TEP1: variants seen among roughly 807,000 people sequenced by gnomAD.
TEP1 encodes telomerase associated protein 1.
TEP1 carries 241 observed loss-of-function variants against 306.3 expected under a neutral mutation model. The observed-to-expected ratio is 0.79, with a 90% CI of 0.71 to 0.88. TEP1 has a LOEUF of 0.88. Ranked by LOEUF, TEP1 falls within the 40% of genes least tolerant of loss-of-function variation. The pLI is 0.00. For missense variants in TEP1, 3,051 were observed against 3,276.1 expected, an observed-to-expected ratio of 0.93 and a Z score of 1.68; for synonymous variants, 1,289 against 1,305.5, an observed-to-expected ratio of 0.99 and a Z score of 0.27.
chr14:20,381,305 G>C lies in TEP1; in HGVS notation c.4647+8C>G. On this transcript the variant is annotated splice_region_variant and intron_variant, in intron 32 of 54. Transcript: ENST00000262715. This position sits in a 1 kb window ranked among gnomAD's most constrained non-coding sequence, Gnocchi z 4.0. ...TGGGAAAGGTGTCTATGGGGTCTAG[G>C]AACTAACCAGGTGGTAAGGCAGGTC... The C allele has an allele frequency of 6.2e-7, 1 of 1,614,030 alleles. No individual in the cohort carries two copies. The highest frequency in any genetic ancestry group is 1.3e-5 in the African/African-American group (1 of 75,044).
At position 20,380,373 on chromosome 14, in the gene TEP1, C is replaced by G. The variant is rs145657579; in HGVS notation, c.4865G>C (p.Arg1622Pro). 1.2e-6 allele frequency: 2 copies of G among 1,614,070 alleles called. No individual in the cohort carries two copies. Among genetic ancestry groups the G allele is most frequent in the Non-Finnish European group, 1.7e-6 (2 of 1,180,002 alleles). The change falls in exon 34 of 55, where the codon CGG becomes CCG. Residue 1622 changes from arginine (R) to proline (P), a missense_variant. Coordinates refer to ENST00000262715, the MANE Select transcript of TEP1 (RefSeq NM_007110.5). ...QQASILSQYP[R>P]LLPQQAANQP... Reference sequence around the variant, plus strand: ...GTTGGCTGCCTGCTGGGGCAGGAGCCGGGGGTACTGGCTGAGGATTGAAGC... The same window carrying G: ...GTTGGCTGCCTGCTGGGGCAGGAGCGGGGGGTACTGGCTGAGGATTGAAGC...
In TEP1 at chr14:20,380,234, C is replaced by T; in HGVS notation, c.5003+1G>A. The T allele has an allele frequency of 6.2e-7, 1 of 1,613,498 alleles. No homozygotes were observed. Among genetic ancestry groups the T allele is most frequent in the Non-Finnish European group, 8.5e-7 (1 of 1,179,552 alleles). On this transcript the variant is annotated splice_donor_variant, in intron 34 of 54. Coordinates refer to ENST00000262715, the MANE Select transcript of TEP1 (RefSeq NM_007110.5). LOFTEE classifies it high-confidence loss of function. ...ACTAGGGTCTGGGGTCAAGGTCTTA[C>T]CTTTGCTGATTTTTCATGGTCCGGG...
intron 48 of TEP1, 32 bp downstream of exon 48, chr14:20,372,979 A>G: frequency 6.2e-7 from 1 of 1,613,970 alleles, no homozygotes; most frequent in East Asian, 2.2e-5. Flanking sequence ...TAGAATTCAC[A>G]CAGACAAAGA....
intron 21 of TEP1, 74 bp from the exon 22 acceptor site, chr14:20,384,787 T>C: frequency 6.6e-7 from 1 of 1,509,824 alleles, no homozygotes. Context: ...CCACCAGACA[T>C]AGCTGTAATT....
rs377744214 is a variant in TEP1 at position 20,382,367 on chromosome 14, G to A, written c.4141-11C>T. Reference sequence around the variant, plus strand: ...GAGTCTCTCAGACACCTAGGATGGCGGGAGGACAGCCTTGTTCAGTGCAGT... The same window carrying A: ...GAGTCTCTCAGACACCTAGGATGGCAGGAGGACAGCCTTGTTCAGTGCAGT... On this transcript the variant is annotated splice_polypyrimidine_tract_variant and intron_variant, in intron 28 of 54. Coordinates refer to ENST00000262715, the MANE Select transcript of TEP1 (RefSeq NM_007110.5). 1.1e-5 allele frequency: 17 copies of A among 1,600,748 alleles called. No individual in the cohort carries two copies. Among genetic ancestry groups the A allele is most frequent in the East Asian group, 8.9e-5 (4 of 44,840 alleles).
Position 20,377,426 on chromosome 14 carries a change from T to C in TEP1, c.5942A>G (p.Lys1981Arg). 3 of 1,614,052 alleles carry C rather than the reference T, an allele frequency of 1.9e-6. No homozygotes were observed. Among genetic ancestry groups the C allele is most frequent in the South Asian group, 2.2e-5 (2 of 91,080 alleles). The change falls in exon 41 of 55, where the codon AAG becomes AGG. Residue 1981 changes from lysine (K) to arginine (R), a missense_variant. By Grantham distance (26) the Lys-to-Arg change is conservative (BLOSUM62 2). This residue lies in a region of TEP1 where 1,540 missense variants were observed against 1,705.9 expected (regional missense o/e 0.90). Coordinates refer to ENST00000262715, the MANE Select transcript of TEP1 (RefSeq NM_007110.5). ...ATCTTCTGCACCACTCACCAATACC[T>C]TGGGGCTTAGCCAGGCCAGGGCGGA... ...AVSALAWLSP[K>R]VLVSGAEDGS... is the part of the protein sequence containing the mutation.
chr14:20,403,435 G>A lies in TEP1; in HGVS notation c.1208C>T (p.Pro403Leu), dbSNP rs1450595892. Residue 403 changes from proline (P) to leucine (L), a missense_variant, in exon 7 of 55, where the codon CCA (proline) becomes CTA (leucine). Transcript: ENST00000262715. ...CCTTGGAAAACATCTGTGAGAAAAT[G>A]GAGGCTCCATCCCCTGTAGGGACAG... Reference protein sequence around the residue: ...RPPRSPGMEPPFSHRCFPRYI... With the variant: ...RPPRSPGMEPLFSHRCFPRYI... The A allele has an allele frequency of 3.7e-6, 6 of 1,614,196 alleles. No individual in the cohort carries two copies. Among genetic ancestry groups the A allele is most frequent in the Non-Finnish European group, 5.1e-6 (6 of 1,180,040 alleles).
intron 12 of TEP1, 98 bp from the exon 13 acceptor site, chr14:20,391,865 TCTCC>T: frequency 7.4e-7 from 1 of 1,346,682 alleles, no homozygotes; most frequent in Non-Finnish European, 1.0e-6. Flanking sequence ...TATTGAGTCT[TCTCC>T]CTCCCTCAAG....
chr14:20,405,792 C>A (rs1380521976), intron 3 of TEP1, among the ~76,000 whole-genome samples: 1 of 151,992 alleles, frequency 6.6e-6, no homozygotes, highest in South Asian at 2.1e-4. Flanking sequence ...GGTGGGCAGA[C>A]CACCTGAGGT....
At chr14:20,379,180 C>A in intron 35 of TEP1, 75 bp from the exon 36 acceptor site, 1 of 1,559,670 alleles carries the variant, frequency 6.4e-7, no homozygotes, top group Non-Finnish European at 8.6e-7. Context: ...CAGGCCCCAC[C>A]CAAAAAGAAG....
intron 18 of TEP1, among the ~76,000 whole-genome samples, chr14:20,387,560 A>AAAAG (rs1210684702): frequency 1.3e-5 from 2 of 151,708 alleles, no homozygotes; most frequent in African/African-American, 2.4e-5. Flanking sequence ...TCAAAAAAAA[A>AAAAG]AAGAAATTAA....
At chr14:20,411,269 A>G (rs1879666566) in intron 1 of TEP1, among the ~76,000 whole-genome samples, 1 of 152,000 alleles carries the variant, frequency 6.6e-6, no homozygotes, top group Admixed American at 6.6e-5. Flanking sequence ...AACCCTCAGC[A>G]CTCTAAGCTT....
intron 7 of TEP1, among the ~76,000 whole-genome samples, chr14:20,402,963 C>G (rs1878870413): frequency 6.6e-6 from 1 of 151,956 alleles, no homozygotes; most frequent in South Asian, 2.1e-4. Context: ...TCGAGACCAG[C>G]CTGGCCAACA....
In TEP1 at chr14:20,410,599, C is replaced by CT. The variant is rs35446613; in HGVS notation, c.-24-2137dup. ...CACTATGCCCAGCTGATTTTTTTTT[C>CT]TTTTTTTTTTTTTGTATTTTTAGTA... On this transcript the variant is annotated intron_variant, in intron 1 of 54. Coordinates refer to ENST00000262715, the MANE Select transcript of TEP1 (RefSeq NM_007110.5). Among the ~76,000 whole-genome samples the CT allele has an allele frequency of 5.9e-3, 822 of 138,814 alleles. 3 individuals carry two copies. The highest frequency in any genetic ancestry group is 0.018 in the Middle Eastern group (5 of 280). 91.1% of individuals were successfully genotyped at this position (138,814 alleles called of 152,430 possible).
In TEP1 at chr14:20,366,419, T is replaced by C. The variant is rs950632377; in HGVS notation, c.*2018A>G. On this transcript the variant is annotated 3_prime_UTR_variant, in exon 55 of 55. Transcript: ENST00000262715. ...GCTGCAGGATTTCTGGCAAGGATTA[T>C]GGATCATAAATTTCAAAATACCATA... The C allele has an allele frequency of 6.6e-6, 1 of 152,254 alleles. No homozygotes were observed. Among genetic ancestry groups the C allele is most frequent in the Admixed American group, 6.5e-5 (1 of 15,290 alleles). The allele number at this position is 152,254 out of a possible 1,614,324, so 9.4% of individuals were successfully genotyped here. A position where few individuals can be genotyped will look rare whatever the true frequency, so the allele number is the denominator to read the frequency against.
Position 20,405,563 on chromosome 14 carries a change from C to T in TEP1, c.758G>A (p.Cys253Tyr), listed in dbSNP as rs1029112764. 2.5e-6 allele frequency: 4 copies of T among 1,613,940 alleles called. No individual in the cohort carries two copies. The African/African-American group carries it at 5.3e-5, about 22-fold the overall frequency. The change falls in exon 4 of 55, where the codon TGC becomes TAC. Residue 253 changes from cysteine (C) to tyrosine (Y), a missense_variant. By Grantham distance (194) the Cys-to-Tyr change is radical (BLOSUM62 -2). This residue lies in a region of TEP1 where 1,507 missense variants were observed against 1,550.5 expected (regional missense o/e 0.97). Coordinates refer to ENST00000262715, the MANE Select transcript of TEP1 (RefSeq NM_007110.5). ...EKKMALLSLLCSTLVSEVNMN... is the reference protein window; with the variant it reads ...EKKMALLSLLYSTLVSEVNMN... ...GTTTACTTCTGAGACCAGAGTAGAGCACAGCAAGCTCAGTAGAGCCATCTG... is the reference window on the plus strand; with the variant it reads ...GTTTACTTCTGAGACCAGAGTAGAGTACAGCAAGCTCAGTAGAGCCATCTG...
In TEP1 at chr14:20,380,572, T is replaced by A. The variant is rs957110124; in HGVS notation, c.4763-97A>T. 5 of 1,307,934 alleles carry A rather than the reference T, an allele frequency of 3.8e-6. No individual in the cohort carries two copies. The South Asian group carries it at 8.2e-5, about 22-fold the overall frequency. 81.0% of individuals were successfully genotyped at this position (1,307,934 alleles called of 1,614,324 possible). A position where few individuals can be genotyped will look rare whatever the true frequency, so the allele number is the denominator to read the frequency against. On this transcript the variant is annotated intron_variant, in intron 33 of 54. Coordinates refer to ENST00000262715, the MANE Select transcript of TEP1 (RefSeq NM_007110.5). ...TATGGTGTGTCTACAATAGTAAGTCTCAAAGTGTGGCCCTCTGGCCCTATA... is the reference window on the plus strand; with the variant it reads ...TATGGTGTGTCTACAATAGTAAGTCACAAAGTGTGGCCCTCTGGCCCTATA...
Position 20,380,488 on chromosome 14 carries a change from G to T in TEP1, c.4763-13C>A. Reference sequence around the variant, plus strand: ...GGGACTGAAGAAGCTATAAAAGGGTGGCAGAATGTCACTGGGGAGCCAGCT... The same window carrying T: ...GGGACTGAAGAAGCTATAAAAGGGTTGCAGAATGTCACTGGGGAGCCAGCT... On this transcript the variant is annotated splice_polypyrimidine_tract_variant and intron_variant, in intron 33 of 54. Transcript: ENST00000262715. 6.2e-7 allele frequency: 1 copy of T among 1,604,396 alleles called. No individual in the cohort carries two copies. Among genetic ancestry groups the T allele is most frequent in the South Asian group, 1.1e-5 (1 of 90,496 alleles).
intron 54 of TEP1, 38 bp downstream of exon 54, chr14:20,368,760 G>GCACACA (rs1488896797): frequency 6.1e-6 from 8 of 1,303,566 alleles, no homozygotes; most frequent in Admixed American, 4.4e-5. Context: ...GTGTGCAGGC[G>GCACACA]CACGCACACA....
Sources: gnomAD v4.1 joint callset for allele counts (sites outside exome capture counted in the v4.1 genomes callset) on GRCh38, gnomAD v4.1.1 for gene constraint, gnomAD v4.1.1 regional missense constraint, Gnocchi (gnomAD v3.1) non-coding constraint, MANE v1.5 for transcripts, NCBI Gene and HGNC (gene_info 2026-07-23, HGNC 2026-07-21) for gene names.